The following BCAS3 variants were observed in gnomAD, a reference collection of about 807,000 sequenced individuals.
BCAS3 encodes BCAS4/BCAS3 fusion.
BCAS3 carries 53 observed loss-of-function variants against 116.1 expected under a neutral mutation model. The observed-to-expected ratio is 0.46, with a 90% CI of 0.37 to 0.57. The LOEUF is 0.57. Among genes scored for constraint, BCAS3 ranks in the 20% least tolerant of loss-of-function variants. The pLI, the probability that BCAS3 is intolerant of heterozygous loss-of-function variation, is 0.00. For missense variants in BCAS3, 917 were observed against 1,165.4 expected (o/e 0.79, Z 3.10); for synonymous variants, 391 against 408.2 (o/e 0.96, Z 0.51).
intron 14 of BCAS3, among the ~76,000 whole-genome samples, chr17:60,977,532 A>G (rs1462767349): frequency 6.6e-6 from 1 of 151,280 alleles, no homozygotes; most frequent in Non-Finnish European, 1.5e-5. Context: ...TTTAAGTTTT[A>G]GGGTACATGT....
chr17:61,046,982 C>G (rs1384985053), intron 19 of BCAS3, among the ~76,000 whole-genome samples: 2 of 151,892 alleles, frequency 1.3e-5, no homozygotes, highest in Non-Finnish European at 2.9e-5. Flanking sequence ...AATAAATACA[C>G]TGCTAGTTAA....
rs950109953 is a variant in BCAS3, at chr17:61,214,465, A to G, written c.2425+129901A>G. ...TTTGCAAGGCCGAGGCAGGTGGATC[A>G]CAAGGTCAGGAGATGGAGATCATCC... On this transcript the variant is annotated intron_variant, in intron 22 of 23. Transcript: ENST00000407086. This position sits in a 1 kb window ranked among gnomAD's most constrained non-coding sequence, Gnocchi z 4.4. Among the ~76,000 whole-genome samples, 1 of 152,050 alleles carries G rather than the reference A, an allele frequency of 6.6e-6. No homozygotes were observed. Among genetic ancestry groups the G allele is most frequent in the African/African-American group, 2.4e-5 (1 of 41,400 alleles).
At chr17:60,897,643 A>C (rs1280124795) in intron 10 of BCAS3, among the ~76,000 whole-genome samples, 1 of 152,030 alleles carries the variant, frequency 6.6e-6, no homozygotes, top group Non-Finnish European at 1.5e-5. Flanking sequence ...GGATTGTTTC[A>C]AAAGATCTGT....
At chr17:61,103,758 A>T (rs1174332329) in intron 22 of BCAS3, among the ~76,000 whole-genome samples, 1 of 152,082 alleles carries the variant, frequency 6.6e-6, no homozygotes, top group East Asian at 1.9e-4. Flanking sequence ...CTATCTTCCT[A>T]TTTTGATAAT....
At chr17:60,784,290 G>GA (rs1167065972) in intron 6 of BCAS3, among the ~76,000 whole-genome samples, 3 of 146,274 alleles carry the variant, frequency 2.1e-5, no homozygotes, top group Admixed American at 2.0e-4. Context: ...CTAAAAAAAT[G>GA]AAACAAATTT....
intron 22 of BCAS3, among the ~76,000 whole-genome samples, chr17:61,247,817 T>C (rs1016647305): frequency 6.6e-6 from 1 of 152,216 alleles, no homozygotes; most frequent in African/African-American, 2.4e-5. Flanking sequence ...CCCCCGCCTC[T>C]AGGTTCCTTG....
intron 19 of BCAS3, chr17:61,069,782 G>A (rs919614033): frequency 1.0e-5 from 7 of 668,980 alleles, no homozygotes; most frequent in African/African-American, 5.7e-5. Flanking sequence ...GCTGCAGTGA[G>A]CCGAGATCAT....
chr17:60,975,714 C>T (rs2062300381), intron 14 of BCAS3, among the ~76,000 whole-genome samples: 1 of 152,186 alleles, frequency 6.6e-6, no homozygotes, highest in South Asian at 2.1e-4. Context: ...CTCCCTGCTC[C>T]TCTGCAATTA....
At chr17:60,683,611 C>T (rs948168194) in intron 2 of BCAS3, among the ~76,000 whole-genome samples, 1 of 131,992 alleles carries the variant, frequency 7.6e-6, no homozygotes, top group Non-Finnish European at 1.5e-5. Context: ...GCGGGAGGAT[C>T]GCTTGAGCTC....
chr17:60,683,991 C>T lies in BCAS3; in HGVS notation c.93C>T (p.Ser31=), dbSNP rs965381494. The change falls in exon 3 of 24, where the codon TCC becomes TCT. Residue 31 remains serine (S), a synonymous_variant. Transcript: ENST00000407086. ...VVRPQAVTEQ[S]YMESVVTFLQ... Reference sequence around the variant, plus strand: ...TTTCACCCTTTTCCAGAGAGCAGTCCTACATGGAAAGTGTTGTGACTTTTC... The same window carrying T: ...TTTCACCCTTTTCCAGAGAGCAGTCTTACATGGAAAGTGTTGTGACTTTTC... The T allele has an allele frequency of 5.6e-6, 9 of 1,613,624 alleles. No individual in the cohort carries two copies. In the Admixed American group the frequency reaches 8.3e-5, roughly 15 times the overall value.
At chr17:60,765,447 T>C (rs929170187) in intron 6 of BCAS3, among the ~76,000 whole-genome samples, 49 of 152,324 alleles carry the variant, frequency 3.2e-4, no homozygotes, top group Middle Eastern at 6.8e-3. Context: ...CCTTCACTTA[T>C]GAAGCTTAGT....
intron 19 of BCAS3, among the ~76,000 whole-genome samples, chr17:61,045,976 A>AT (rs1162637867): frequency 1.0e-4 from 1 of 9,826 alleles, no homozygotes; most frequent in Non-Finnish European, 1.3e-4. Flanking sequence ...ATATATATAT[A>AT]TTATATATAT....
In BCAS3 at chr17:61,028,779, A is replaced by G. The variant is rs1241749804; in HGVS notation, c.1638-5887A>G. Among the ~76,000 whole-genome samples the G allele has an allele frequency of 2.0e-5, 3 of 151,994 alleles. No homozygotes were observed. Among genetic ancestry groups the G allele is most frequent in the African/African-American group, 7.2e-5 (3 of 41,458 alleles). On this transcript the variant is annotated intron_variant, in intron 16 of 23. Coordinates refer to ENST00000407086, the MANE Select transcript of BCAS3 (RefSeq NM_017679.5). This position sits in a 1 kb window ranked among gnomAD's most constrained non-coding sequence, Gnocchi z 4.3. ...ACTTTTAAATCATTGCCTGTCTTTT[A>G]GAAGACTGCTTTGTGGTTTGTTTGA...
At chr17:60,683,468 A>C (rs549236851) in intron 2 of BCAS3, among the ~76,000 whole-genome samples, 1 of 147,570 alleles carries the variant, frequency 6.8e-6, no homozygotes, top group East Asian at 2.0e-4. Context: ...GAAACGAGAA[A>C]GTAGTTTAGC....
In BCAS3 at chr17:61,180,756, G is replaced by A. The variant is rs150182228; in HGVS notation, c.2425+96192G>A. ...ATCTGCAGTAGGCTTTGTGCTGTAGGCACAGAATAAAGTTATCCTAGCCAT... is the reference window on the plus strand; with the variant it reads ...ATCTGCAGTAGGCTTTGTGCTGTAGACACAGAATAAAGTTATCCTAGCCAT... On this transcript the variant is annotated intron_variant, in intron 22 of 23. Coordinates refer to ENST00000407086, the MANE Select transcript of BCAS3 (RefSeq NM_017679.5). The surrounding 1 kb of genome is among the most constrained non-coding windows in gnomAD (Gnocchi z 6.0). Among the ~76,000 whole-genome samples, 568 of 152,314 alleles carry A rather than the reference G, an allele frequency of 3.7e-3. 6 individuals carry two copies. The highest frequency in any genetic ancestry group is 0.012 in the African/African-American group (492 of 41,572).
In BCAS3 at chr17:61,056,354, A is replaced by T. The variant is rs2069386091; in HGVS notation, c.2029+15462A>T. ...AGTACAGTGCCCATGTTATATACTG[A>T]TAGAAGTCAGTAATTTACTTGAAAT... is the stretch of plus-strand genomic sequence containing the variant. On this transcript the variant is annotated intron_variant, in intron 19 of 23. Transcript: ENST00000407086. The surrounding 1 kb of genome is among the most constrained non-coding windows in gnomAD (Gnocchi z 4.9). Among the ~76,000 whole-genome samples, 1 of 152,210 alleles carries T rather than the reference A, an allele frequency of 6.6e-6. No individual in the cohort carries two copies. The highest frequency in any genetic ancestry group is 1.5e-5 in the Non-Finnish European group (1 of 68,032).
chr17:60,765,912 C>G (rs1161308817), intron 6 of BCAS3, among the ~76,000 whole-genome samples: 1 of 152,026 alleles, frequency 6.6e-6, no homozygotes, highest in Admixed American at 6.6e-5. Flanking sequence ...TTTCTCTAAA[C>G]TTCTCACTTC....
At chr17:60,716,084 A>G (rs1360544543) in intron 5 of BCAS3, among the ~76,000 whole-genome samples, 2 of 151,128 alleles carry the variant, frequency 1.3e-5, no homozygotes, top group Non-Finnish European at 2.9e-5. Context: ...GCTGGTCTCG[A>G]GCTCCTGACC....
chr17:60,694,133 G>A (rs1344543716), intron 4 of BCAS3, among the ~76,000 whole-genome samples: 3 of 150,056 alleles, frequency 2.0e-5, no homozygotes, highest in Admixed American at 6.7e-5. Context: ...TGATCTGCCC[G>A]CTTCGGCCTT....
Sources: allele counts gnomAD v4.1 joint callset (sites outside exome capture counted in the v4.1 genomes callset), GRCh38; gene constraint gnomAD v4.1.1; non-coding constraint Gnocchi (gnomAD v3.1); transcripts MANE v1.5; gene names NCBI Gene and HGNC (gene_info 2026-07-23, HGNC 2026-07-21).